The following PSMA8 variants were observed in gnomAD, a reference collection of about 807,000 sequenced individuals.
PSMA8 encodes the protein proteasome 20S subunit alpha 8.
In PSMA8, 18 loss-of-function variants were observed where a neutral mutation model predicts 32.4. The observed-to-expected ratio is 0.56, with a 90% CI of 0.38 to 0.82. The LOEUF (loss-of-function observed/expected upper bound fraction) is 0.82. Ranked by LOEUF, PSMA8 falls within the 40% of genes least tolerant of loss-of-function variation. The probability of loss-of-function intolerance (pLI) is 0.00; values close to 1 mark genes in which losing one functional copy is unlikely to be tolerated. For synonymous variants in PSMA8, 104 were observed against 98.1 expected (o/e 1.06, Z -0.36); for missense variants, 298 against 300.7 (o/e 0.99, Z 0.07).
intron 4 of PSMA8, among the ~76,000 whole-genome samples, chr18:26,164,558 C>T (rs2055162724): frequency 6.6e-6 from 1 of 152,154 alleles, no homozygotes; most frequent in South Asian, 2.1e-4. Context: ...TAACCTAAAT[C>T]TGATTGAGGG....
intron 2 of PSMA8, among the ~76,000 whole-genome samples, chr18:26,147,387 GA>G (rs2055012694): frequency 6.6e-6 from 1 of 151,934 alleles, no homozygotes; most frequent in Admixed American, 6.6e-5. Flanking sequence ...CAAGGGAAAT[GA>G]ACAGATATCT....
chr18:26,172,336 C>G (rs1358724179), intron 4 of PSMA8, among the ~76,000 whole-genome samples: 1 of 152,190 alleles, frequency 6.6e-6, no homozygotes, highest in East Asian at 1.9e-4. Context: ...ATTGCAGTCT[C>G]TGTTGCAACT....
intron 3 of PSMA8, among the ~76,000 whole-genome samples, chr18:26,152,516 G>T (rs28399877): frequency 6.6e-6 from 1 of 151,960 alleles, no homozygotes. Context: ...GTACAGATGG[G>T]GTTTTGCTAT....
chr18:26,174,157 T>G (rs945991983), intron 4 of PSMA8, among the ~76,000 whole-genome samples: 3 of 152,232 alleles, frequency 2.0e-5, no homozygotes, highest in African/African-American at 7.2e-5. Context: ...AAACGTAATA[T>G]TTATAGCATT....
intron 6 of PSMA8, among the ~76,000 whole-genome samples, chr18:26,183,287 G>A (rs981162715): frequency 6.7e-6 from 1 of 150,168 alleles, no homozygotes; most frequent in Non-Finnish European, 1.5e-5. Context: ...AGCTACTCAG[G>A]AGGCTAAGGC....
At chr18:26,192,283 C>T in intron 6 of PSMA8, 36 bp from the exon 7 acceptor site, 5 of 1,404,236 alleles carry the variant, frequency 3.6e-6, no homozygotes, top group African/African-American at 1.5e-5. Flanking sequence ...ATTCGTATAA[C>T]TGACATTTGA....
Position 26,133,876 on chromosome 18 carries a change from G to A in PSMA8, c.-90G>A. The A allele has an allele frequency of 3.5e-6, 4 of 1,133,364 alleles. No individual in the cohort carries two copies. The highest frequency in any genetic ancestry group is 5.3e-6 in the Non-Finnish European group (4 of 760,296). 70.2% of individuals were successfully genotyped at this position (1,133,364 alleles called of 1,614,324 possible). A position where few individuals can be genotyped will look rare whatever the true frequency, so the allele number is the denominator to read the frequency against. On this transcript the variant is annotated 5_prime_UTR_variant, in exon 1 of 7. Coordinates refer to ENST00000415576, the MANE Select transcript of PSMA8 (RefSeq NM_001025096.2). Reference sequence around the variant, plus strand: ...TGAGGCGCGTGTGGAAGCGCTTCCGGGCGGTAGCACGCTGTGTTGGCGGCG... The same window carrying A: ...TGAGGCGCGTGTGGAAGCGCTTCCGAGCGGTAGCACGCTGTGTTGGCGGCG...
chr18:26,166,192 T>C (rs112931085), intron 4 of PSMA8, among the ~76,000 whole-genome samples: 5,970 of 152,248 alleles, frequency 0.039, 394 homozygotes, highest in African/African-American at 0.14. Context: ...TGTGCATGGG[T>C]TGCTTGGCTT....
intron 2 of PSMA8, among the ~76,000 whole-genome samples, chr18:26,146,261 G>C (rs561456351): frequency 6.0e-5 from 9 of 150,326 alleles, no homozygotes; most frequent in Admixed American, 6.0e-4. Flanking sequence ...ACACATGATG[G>C]TGCACATCTG....
chr18:26,187,500 T>A (rs1568072900), intron 6 of PSMA8, among the ~76,000 whole-genome samples: 1 of 150,438 alleles, frequency 6.6e-6, no homozygotes, highest in Non-Finnish European at 1.5e-5. Context: ...TGAATGGATT[T>A]AAAAAAAAAG....
intron 1 of PSMA8, among the ~76,000 whole-genome samples, chr18:26,144,039 T>C (rs11874450): frequency 0.056 from 8,554 of 152,238 alleles, 702 homozygotes; most frequent in African/African-American, 0.18. Context: ...ATACTTGTTT[T>C]TGTTAGTGTT....
chr18:26,149,148 C>A (rs2144288408), intron 2 of PSMA8, among the ~76,000 whole-genome samples: 1 of 152,250 alleles, frequency 6.6e-6, no homozygotes, highest in Middle Eastern at 3.4e-3. Flanking sequence ...AGCCCCAAAT[C>A]ATTTCTATGT....
intron 2 of PSMA8, among the ~76,000 whole-genome samples, chr18:26,150,361 G>C (rs1023248983): frequency 2.7e-5 from 4 of 150,032 alleles, no homozygotes; most frequent in Admixed American, 6.6e-5. Context: ...TTCAGAGACA[G>C]GTTTTCACTT....
At chr18:26,144,313 A>G (rs2054983789) in intron 1 of PSMA8, among the ~76,000 whole-genome samples, 1 of 152,080 alleles carries the variant, frequency 6.6e-6, no homozygotes, top group South Asian at 2.1e-4. Context: ...AGATTAGGAC[A>G]CTCATAATTT....
At chr18:26,150,446 C>T (rs975262839) in intron 2 of PSMA8, among the ~76,000 whole-genome samples, 3 of 151,968 alleles carry the variant, frequency 2.0e-5, no homozygotes, top group Admixed American at 2.0e-4. Flanking sequence ...CAAGCAATCC[C>T]CCCGCCGCAG....
intron 2 of PSMA8, among the ~76,000 whole-genome samples, 200 bp downstream of exon 2, chr18:26,144,885 CT>C (rs1292635526): frequency 6.6e-6 from 1 of 152,130 alleles, no homozygotes; most frequent in Non-Finnish European, 1.5e-5. Flanking sequence ...ATATATATTA[CT>C]TTACTTCAAA....
At chr18:26,176,904 G>T (rs1435737586) in intron 4 of PSMA8, among the ~76,000 whole-genome samples, 1 of 152,142 alleles carries the variant, frequency 6.6e-6, no homozygotes, top group Non-Finnish European at 1.5e-5. Context: ...TTGCACTCCA[G>T]CCTGGGCGAC....
chr18:26,167,845 ATTT>A (rs762830746), intron 4 of PSMA8, among the ~76,000 whole-genome samples: 4 of 117,528 alleles, frequency 3.4e-5, no homozygotes, highest in East Asian at 2.3e-4. Flanking sequence ...GGTCTGTGGT[ATTT>A]TTTTTTTTTT....
chr18:26,183,099 A>C (rs1016097228), intron 6 of PSMA8, among the ~76,000 whole-genome samples: 1 of 146,824 alleles, frequency 6.8e-6, no homozygotes, highest in Admixed American at 6.8e-5. Flanking sequence ...CTCAAAAAAA[A>C]CAAACAAAAA....
Sources: allele counts gnomAD v4.1 joint callset (sites outside exome capture counted in the v4.1 genomes callset), GRCh38; gene constraint gnomAD v4.1.1; transcripts MANE v1.5; gene names NCBI Gene and HGNC (gene_info 2026-07-23, HGNC 2026-07-21).